Variants in EXT2 observed in about 807,000 individuals in gnomAD.
EXT2 encodes exostosin-2.
Under a neutral mutation model 81.6 loss-of-function variants are expected in EXT2, and 53 were observed. That is an observed-to-expected ratio of 0.65 (90% CI 0.52 to 0.82). The LOEUF is 0.82. EXT2 is among the 40% of genes least tolerant of loss of function. EXT2 has a pLI of 0.00. For missense variants in EXT2, 774 were observed against 910.2 expected, an observed-to-expected ratio of 0.85 and a Z score of 1.93; for synonymous variants, 320 against 340.0, an observed-to-expected ratio of 0.94 and a Z score of 0.65.
chr11:44,144,789 G>C (rs1346588135), intron 7 of EXT2, among the ~76,000 whole-genome samples: 1 of 152,104 alleles, frequency 6.6e-6, no homozygotes, highest in Non-Finnish European at 1.5e-5. Flanking sequence ...TTCCCTCAGA[G>C]TATTCATGAA....
At chr11:44,097,333 CCATAA>C in intron 1 of EXT2, among the ~76,000 whole-genome samples, 1 of 152,224 alleles carries the variant, frequency 6.6e-6, no homozygotes, top group Middle Eastern at 3.4e-3. Flanking sequence ...GGGCATTTAG[CCATAA>C]CATAACTTTA....
At chr11:44,122,827 A>T (rs2072730445) in intron 4 of EXT2, among the ~76,000 whole-genome samples, 1 of 152,240 alleles carries the variant, frequency 6.6e-6, no homozygotes, top group Admixed American at 6.5e-5. Context: ...AGCCCCAGCC[A>T]CATATGGCTA....
chr11:44,143,389 C>T (rs1021247693), intron 7 of EXT2, among the ~76,000 whole-genome samples: 1 of 152,166 alleles, frequency 6.6e-6, no homozygotes, highest in East Asian at 1.9e-4. Context: ...CATATCACTC[C>T]TACTCCTCCC....
chr11:44,218,103 C>T (rs1955740508), intron 10 of EXT2, among the ~76,000 whole-genome samples: 1 of 152,156 alleles, frequency 6.6e-6, no homozygotes, highest in Admixed American at 6.5e-5. Context: ...GGTAAAACCT[C>T]CTGAGTGCTA....
At chr11:44,176,896 C>G (rs1263215365) in intron 8 of EXT2, among the ~76,000 whole-genome samples, 1 of 144,264 alleles carries the variant, frequency 6.9e-6, no homozygotes, top group Non-Finnish European at 1.5e-5. Flanking sequence ...CATATTTTGG[C>G]TAGATGCAGC....
At chr11:44,130,227 A>C in intron 7 of EXT2, 89 bp downstream of exon 7, 1 of 1,007,012 alleles carries the variant, frequency 9.9e-7, no homozygotes, top group Non-Finnish European at 1.6e-6. Flanking sequence ...TGAATGCCTG[A>C]GTGGGGTTTA....
intron 8 of EXT2, among the ~76,000 whole-genome samples, chr11:44,178,807 A>G (rs1029266581): frequency 6.6e-6 from 1 of 152,216 alleles, no homozygotes; most frequent in African/African-American, 2.4e-5. Flanking sequence ...GATTAAAAAA[A>G]AAAAATGTAT....
chr11:44,114,360 G>A (rs1954191836), intron 4 of EXT2, 59 bp downstream of exon 4: 1 of 1,476,128 alleles, frequency 6.8e-7, no homozygotes. Context: ...ATGTTGATGA[G>A]GTTTAGTGTG....
intron 9 of EXT2, among the ~76,000 whole-genome samples, chr11:44,200,618 G>A (rs1479331939): frequency 6.6e-6 from 1 of 152,184 alleles, no homozygotes; most frequent in African/African-American, 2.4e-5. Flanking sequence ...GGTCAACAGG[G>A]GAGTAAAACC....
rs4755780 is a variant in EXT2 at position 44,108,380 on chromosome 11, G to C, written c.536+132G>C. The C allele has an allele frequency of 0.14, 139,210 of 976,634 alleles. 12,067 individuals are homozygous for C. Among genetic ancestry groups the C allele is most frequent in the African/African-American group, 0.34 (21,283 of 62,286 alleles). The allele number at this position is 976,634 out of a possible 1,614,324, so 60.5% of individuals were successfully genotyped here. ...CGATGCTGTCTTCTTGCAGGACGGG[G>C]TGTGTTGGAGGGACTGACTTGCAGC... On this transcript the variant is annotated intron_variant, in intron 2 of 13. Transcript: ENST00000533608.
At chr11:44,125,251 T>G (rs2135016500) in intron 5 of EXT2, among the ~76,000 whole-genome samples, 1 of 152,306 alleles carries the variant, frequency 6.6e-6, no homozygotes, top group East Asian at 1.9e-4. Context: ...TCTCATAGAT[T>G]CGCAGACAAG....
At chr11:44,154,107 A>G (rs1049352519) in intron 7 of EXT2, among the ~76,000 whole-genome samples, 2 of 151,996 alleles carry the variant, frequency 1.3e-5, no homozygotes, top group African/African-American at 4.8e-5. Flanking sequence ...TTGGGTATCT[A>G]TCCCCTCAAG....
chr11:44,193,626 A>T lies in EXT2; in HGVS notation c.1306-4203A>T, dbSNP rs554473796. Among the ~76,000 whole-genome samples, 4 of 152,226 alleles carry T rather than the reference A, an allele frequency of 2.6e-5. No individual in the cohort carries two copies. In the South Asian group the frequency reaches 8.3e-4, roughly 32 times the overall value. ...CTCAATTTTGAAGCCATTTGCATTA[A>T]CCCTGGTGGTGTGTTCTACAGTAAA... On this transcript the variant is annotated intron_variant, in intron 8 of 13. Coordinates refer to ENST00000533608, the MANE Select transcript of EXT2 (RefSeq NM_207122.2).
At chr11:44,234,574 G>A (rs1955939333) in intron 12 of EXT2, among the ~76,000 whole-genome samples, 1 of 141,150 alleles carries the variant, frequency 7.1e-6, no homozygotes, top group South Asian at 2.5e-4. Context: ...AAAGGATGTA[G>A]TTTAAATTTT....
intron 7 of EXT2, among the ~76,000 whole-genome samples, chr11:44,135,245 C>T (rs781768106): frequency 6.6e-6 from 1 of 152,166 alleles, no homozygotes; most frequent in Non-Finnish European, 1.5e-5. Flanking sequence ...TACTTGCATA[C>T]AATTTCAACA....
At chr11:44,111,110 C>T (rs1223751973) in intron 3 of EXT2, among the ~76,000 whole-genome samples, 2 of 152,026 alleles carry the variant, frequency 1.3e-5, no homozygotes, top group Non-Finnish European at 2.9e-5. Context: ...TTTAAGATCT[C>T]CTAAAGTTCA....
rs941924657 is a variant in EXT2 at position 44,130,048 on chromosome 11, A to G, written c.1083A>G (p.Ala361=). The G allele has an allele frequency of 5.0e-6, 8 of 1,613,744 alleles. No homozygotes were observed. Among genetic ancestry groups the G allele is most frequent in the Non-Finnish European group, 6.8e-6 (8 of 1,179,708 alleles). ...ACTGTTTTGCTGTTGTCTCCAGAGC[A>G]TCTGTGGTTGTACCAGAAGAAAAGA... ...PFSEVLDWKR[A]SVVVPEEKMS... The change falls in exon 7 of 14, where the codon GCA becomes GCG. Residue 361 remains alanine (A), a synonymous_variant. Transcript: ENST00000533608.
Position 44,197,900 on chromosome 11 carries a change from AG to A in EXT2, c.1378del (p.Val460SerfsTer7). 1 of 1,614,112 alleles carries A rather than the reference AG, an allele frequency of 6.2e-7. No homozygotes were observed. Among genetic ancestry groups the A allele is most frequent in the Non-Finnish European group, 8.5e-7 (1 of 1,179,972 alleles). On this transcript the variant is annotated frameshift_variant, in exon 9 of 14. Transcript: ENST00000533608. LOFTEE classifies it high-confidence loss of function. ...CACAGTCTCAAGGGTTCACCGCCAT[AG>A]TCCTCACCTACGACCGAGTAGAGAG... ...PPQSQGFTAI[V>X]LTYDRVESLF...
chr11:44,173,784 G>A (rs1336735474), intron 8 of EXT2, among the ~76,000 whole-genome samples: 1 of 151,658 alleles, frequency 6.6e-6, no homozygotes, highest in Admixed American at 6.6e-5. Context: ...TAGCCAGGAT[G>A]GTCTCATCTC....
Sources: gnomAD v4.1 joint callset for allele counts (sites outside exome capture counted in the v4.1 genomes callset) on GRCh38, gnomAD v4.1.1 for gene constraint, MANE v1.5 for transcripts, NCBI Gene and HGNC (gene_info 2026-07-23, HGNC 2026-07-21) for gene names.